The following CRADD variants were observed in gnomAD, a reference collection of about 807,000 sequenced individuals.
CRADD encodes CARD and death domain containing adaptor protein.
A neutral mutation model predicts 15.5 loss-of-function variants in CRADD; 9 were observed. The ratio of observed to expected loss-of-function variants is 0.58; its 90% confidence interval spans 0.35 to 1.01. The LOEUF (loss-of-function observed/expected upper bound fraction) is 1.01. CRADD is among the 50% of genes least tolerant of loss of function. The pLI is 0.02. For missense variants in CRADD, 227 were observed against 250.3 expected, an observed-to-expected ratio of 0.91 and a Z score of 0.63; for synonymous variants, 118 against 107.6, an observed-to-expected ratio of 1.10 and a Z score of -0.60.
At chr12:93,717,773 G>C (rs1956187674) in intron 2 of CRADD, among the ~76,000 whole-genome samples, 1 of 152,072 alleles carries the variant, frequency 6.6e-6, no homozygotes, top group Admixed American at 6.6e-5. Context: ...CACCCACCTT[G>C]GGCTCCCCAA....
intron 2 of CRADD, among the ~76,000 whole-genome samples, chr12:93,861,733 A>G (rs1050735094): frequency 6.6e-6 from 1 of 151,950 alleles, no homozygotes; most frequent in Non-Finnish European, 1.5e-5. Flanking sequence ...CTCCCCACCC[A>G]CTCAGCTCCA....
intron 2 of CRADD, among the ~76,000 whole-genome samples, chr12:93,774,750 T>C (rs1957123983): frequency 6.6e-6 from 1 of 152,254 alleles, no homozygotes; most frequent in Non-Finnish European, 1.5e-5. Context: ...ATAGCTTTTC[T>C]TTAGTCCCCT....
rs138771343 is a variant in CRADD at position 93,830,727 on chromosome 12, G to A, written c.299-19243G>A. On this transcript the variant is annotated intron_variant, in intron 2 of 2. Coordinates refer to ENST00000332896, the MANE Select transcript of CRADD (RefSeq NM_003805.5). ...TCTGCAAATCACTCTATTACTGACT[G>A]AGCTCCACAGTAATCATGAGACTAA... Among the ~76,000 whole-genome samples the A allele has an allele frequency of 1.9e-4, 29 of 152,262 alleles. No homozygotes were observed. In the East Asian group the frequency reaches 5.4e-3, roughly 28 times the overall value.
chr12:93,752,187 A>G (rs942309137), intron 2 of CRADD, among the ~76,000 whole-genome samples: 1 of 152,208 alleles, frequency 6.6e-6, no homozygotes, highest in Non-Finnish European at 1.5e-5. Flanking sequence ...AGGGTAAAGC[A>G]TGGCTTTTGC....
chr12:93,708,732 A>G (rs1371924224), intron 2 of CRADD: 1 of 152,230 alleles, frequency 6.6e-6, no homozygotes, highest in Non-Finnish European at 1.5e-5. Flanking sequence ...TTGGTGCCCA[A>G]CAAAATATGG....
intron 2 of CRADD, among the ~76,000 whole-genome samples, chr12:93,730,362 A>G (rs1197473737): frequency 6.6e-6 from 1 of 152,246 alleles, no homozygotes; most frequent in Non-Finnish European, 1.5e-5. Flanking sequence ...TGTTTTGCCT[A>G]TTAGATTGGC....
intron 2 of CRADD, among the ~76,000 whole-genome samples, chr12:93,829,758 T>C (rs1045913806): frequency 1.3e-5 from 2 of 152,134 alleles, no homozygotes; most frequent in African/African-American, 4.8e-5. Context: ...AATGGCATGA[T>C]CTTGGCTCAC....
intron 2 of CRADD, among the ~76,000 whole-genome samples, chr12:93,867,405 T>TATATATATATATATATA (rs1207739624): frequency 0.02 from 2,004 of 101,882 alleles, 190 homozygotes; most frequent in African/African-American, 0.049. Context: ...ATATATATAT[T>TATATATATATATATATA]TTTTAAACTT....
In CRADD at chr12:93,881,287, CTTTG is replaced by C. The variant is rs375720643; in HGVS notation, c.299-12742_299-12739del. On this transcript the variant is annotated intron_variant, in intron 2 of 2. Coordinates refer to the CRADD transcript ENST00000548483. Reference sequence around the variant, plus strand: ...GAAGTTAAAAAAGGTTCAGGCAGCACTTTGTTTGTTTGTTTGTTTGTTTGGCAGC... The same window carrying C: ...GAAGTTAAAAAAGGTTCAGGCAGCACTTTGTTTGTTTGTTTGTTTGGCAGC... Among the ~76,000 whole-genome samples, 942 of 152,004 alleles carry C rather than the reference CTTTG, an allele frequency of 6.2e-3. 8 individuals are homozygous for C. Among genetic ancestry groups the C allele is most frequent in the African/African-American group, 0.018 (762 of 41,474 alleles).
intron 2 of CRADD, among the ~76,000 whole-genome samples, chr12:93,810,167 G>A (rs1319266386): frequency 6.6e-6 from 1 of 152,126 alleles, no homozygotes; most frequent in Non-Finnish European, 1.5e-5. Flanking sequence ...AGGACATTCT[G>A]TGCCCTGTTT....
intron 2 of CRADD, among the ~76,000 whole-genome samples, chr12:93,736,119 C>T (rs188730336): frequency 6.6e-6 from 1 of 152,146 alleles, no homozygotes; most frequent in East Asian, 1.9e-4. Flanking sequence ...TTAAGCTCCC[C>T]TTTTTTTGCT....
At chr12:93,712,796 G>A (rs561037982) in intron 2 of CRADD, among the ~76,000 whole-genome samples, 4 of 152,158 alleles carry the variant, frequency 2.6e-5, no homozygotes, top group African/African-American at 9.7e-5. Context: ...TTCTAGAATG[G>A]GTTATTAAAA....
rs78028971 is a variant in CRADD, at chr12:93,771,962, T to C, written c.299-78008T>C. On this transcript the variant is annotated intron_variant, in intron 2 of 2. Coordinates refer to ENST00000332896, the MANE Select transcript of CRADD (RefSeq NM_003805.5). ...AGTGAAAGTTATACCATAGAAATTATAATGCCAACAAATATAGTGTAAGTG... is the reference window on the plus strand; with the variant it reads ...AGTGAAAGTTATACCATAGAAATTACAATGCCAACAAATATAGTGTAAGTG... Among the ~76,000 whole-genome samples, 451 of 152,350 alleles carry C rather than the reference T, an allele frequency of 3.0e-3. 2 individuals are homozygous for C. The highest frequency in any genetic ancestry group is 4.8e-3 in the Non-Finnish European group (326 of 68,036).
chr12:93,746,537 G>A (rs1324779637), intron 2 of CRADD, among the ~76,000 whole-genome samples: 3 of 152,132 alleles, frequency 2.0e-5, no homozygotes, highest in African/African-American at 7.2e-5. Context: ...TTATCATGAA[G>A]AATTTTTCTT....
chr12:93,685,150 T>A (rs766115138), intron 2 of CRADD, among the ~76,000 whole-genome samples: 1 of 152,252 alleles, frequency 6.6e-6, no homozygotes, highest in African/African-American at 2.4e-5. Flanking sequence ...AATCTAGTTG[T>A]ATTGCTTTTT....
chr12:93,764,860 T>C (rs1313146010), intron 2 of CRADD, among the ~76,000 whole-genome samples: 1 of 152,060 alleles, frequency 6.6e-6, no homozygotes, highest in African/African-American at 2.4e-5. Flanking sequence ...CTTAACTTTC[T>C]ATGAGTGTGG....
intron 2 of CRADD, among the ~76,000 whole-genome samples, chr12:93,856,547 G>A (rs1958276837): frequency 6.6e-6 from 1 of 152,236 alleles, no homozygotes; most frequent in Non-Finnish European, 1.5e-5. Context: ...AAGTTAGCAT[G>A]TTGGTCTCTT....
At chr12:93,682,945 G>A (rs74521069) in intron 2 of CRADD, among the ~76,000 whole-genome samples, 2,317 of 152,276 alleles carry the variant, frequency 0.015, 21 homozygotes, top group Non-Finnish European at 0.023. Flanking sequence ...CCTTGGCACC[G>A]TGGAGAGAAC....
intron 2 of CRADD, chr12:93,846,617 C>CACAT (rs531281401): frequency 0.029 from 4,377 of 151,704 alleles, 78 homozygotes; most frequent in South Asian, 0.049. Context: ...CACACACACA[C>CACAT]ACACACACGA....
Sources: allele counts gnomAD v4.1 joint callset (sites outside exome capture counted in the v4.1 genomes callset), GRCh38; gene constraint gnomAD v4.1.1; transcripts MANE v1.5; gene names NCBI Gene and HGNC (gene_info 2026-07-23, HGNC 2026-07-21).